KIF13B: variants seen among roughly 807,000 people sequenced by gnomAD.
KIF13B encodes the protein kinesin-like protein KIF13B.
KIF13B carries 127 observed loss-of-function variants against 222.0 expected under a neutral mutation model. The observed-to-expected ratio is 0.57, with a 90% CI of 0.50 to 0.66. The LOEUF (loss-of-function observed/expected upper bound fraction) is 0.66, where lower values mean the gene tolerates loss of function less well. Ranked by LOEUF, KIF13B falls within the 30% of genes least tolerant of loss-of-function variation. The probability of loss-of-function intolerance (pLI) is 0.00; values close to 1 mark genes in which losing one functional copy is unlikely to be tolerated. For missense variants in KIF13B, 2,173 were observed against 2,379.0 expected (o/e 0.91, Z 1.80); for synonymous variants, 976 against 919.0 (o/e 1.06, Z -1.12).
chr8:29,142,954 G>T (rs139806446), intron 18 of KIF13B, among the ~76,000 whole-genome samples: 1,558 of 152,286 alleles, frequency 0.01, 15 homozygotes, highest in African/African-American at 0.022. Flanking sequence ...CTGGGCTCCA[G>T]TGATACTCCT....
chr8:29,248,190 C>G (rs1235059021), intron 1 of KIF13B, among the ~76,000 whole-genome samples: 1 of 152,124 alleles, frequency 6.6e-6, no homozygotes, highest in East Asian at 1.9e-4. Flanking sequence ...AATTCCACTC[C>G]TAGATACATA....
intron 27 of KIF13B, 91 bp downstream of exon 27, chr8:29,123,933 T>A (rs1809992320): frequency 2.6e-6 from 2 of 763,286 alleles, no homozygotes; most frequent in East Asian, 5.2e-5. Context: ...GATGTGTTCA[T>A]CTGGTTCTTA....
intron 1 of KIF13B, among the ~76,000 whole-genome samples, chr8:29,248,236 C>T (rs539769053): frequency 6.6e-6 from 1 of 152,298 alleles, no homozygotes; most frequent in Admixed American, 6.5e-5. Flanking sequence ...CAAATGTTCA[C>T]AGTACCATTA....
chr8:29,203,425 G>T (rs1813786183), intron 2 of KIF13B, among the ~76,000 whole-genome samples: 1 of 152,064 alleles, frequency 6.6e-6, no homozygotes, highest in Non-Finnish European at 1.5e-5. Context: ...GAGTTCCCTA[G>T]ACACTATCTT....
In KIF13B at chr8:29,124,113, A is replaced by C. The variant is rs1423609197; in HGVS notation, c.3263T>G (p.Leu1088Ter). The change falls in exon 27 of 40, where the codon TTA becomes TGA. Residue 1088 changes from leucine to a stop codon, truncating the protein, a stop_gained. Coordinates refer to ENST00000524189, the MANE Select transcript of KIF13B (RefSeq NM_015254.4). LOFTEE classifies it high-confidence loss of function. ...EDMDSYQDRDLERLRRKWLNA... is the reference protein window; with the variant it reads ...EDMDSYQDRD The stretch of plus-strand genomic sequence containing the variant: ...TAGCCATTTTCTACGAAGTCTCTCT[A>C]AATCTCGATCCTGGAAGCAAGCAAG... 1.2e-6 allele frequency: 2 copies of C among 1,606,544 alleles called. No homozygotes were observed. The highest frequency in any genetic ancestry group is 1.7e-6 in the Non-Finnish European group (2 of 1,173,734).
intron 29 of KIF13B, among the ~76,000 whole-genome samples, chr8:29,121,104 C>T (rs544792381): frequency 2.0e-5 from 3 of 151,554 alleles, no homozygotes; most frequent in African/African-American, 4.9e-5. Context: ...GAGTAGGTTG[C>T]GAAATCGTGA....
chr8:29,207,494 T>C (rs1181103898), intron 2 of KIF13B, among the ~76,000 whole-genome samples: 1 of 152,178 alleles, frequency 6.6e-6, no homozygotes, highest in East Asian at 1.9e-4. Flanking sequence ...TCAATGCTTA[T>C]TGGACGTGAC....
chr8:29,228,472 A>AAAAAAAAAAAAAAAAT, intron 2 of KIF13B, among the ~76,000 whole-genome samples: 4 of 117,082 alleles, frequency 3.4e-5, no homozygotes, highest in Non-Finnish European at 5.3e-5. Context: ...ATCTTAAAAA[A>AAAAAAAAAAAAAAAAT]ATATATATAT....
At chr8:29,227,329 G>A (rs972575777) in intron 2 of KIF13B, among the ~76,000 whole-genome samples, 1 of 151,972 alleles carries the variant, frequency 6.6e-6, no homozygotes, top group Admixed American at 6.5e-5. Context: ...TGCACTTGTT[G>A]CCCAGACTGG....
intron 2 of KIF13B, among the ~76,000 whole-genome samples, chr8:29,207,984 GC>G (rs1283329624): frequency 6.6e-6 from 1 of 152,172 alleles, no homozygotes; most frequent in Non-Finnish European, 1.5e-5. Flanking sequence ...TTCCTGAGAG[GC>G]TGCAGAACAG....
At chr8:29,106,565 GA>G (rs1353812099) in intron 35 of KIF13B, among the ~76,000 whole-genome samples, 1 of 129,082 alleles carries the variant, frequency 7.7e-6, no homozygotes, top group African/African-American at 2.9e-5. Flanking sequence ...CTGGGAGGCA[GA>G]AGTTGCAGTG....
Position 29,070,283 on chromosome 8 carries a change from C to T in KIF13B, c.*221G>A. 2 of 587,092 alleles carry T rather than the reference C, an allele frequency of 3.4e-6. No individual in the cohort carries two copies. Among genetic ancestry groups the T allele is most frequent in the Non-Finnish European group, 3.0e-6 (1 of 335,896 alleles). 36.4% of individuals were successfully genotyped at this position (587,092 alleles called of 1,614,324 possible). Reference sequence around the variant, plus strand: ...CCTGCGGGCACCCAGAACCTTCCATCCACCTGAGGAGGCACAGTTGAGGCC... The same window carrying T: ...CCTGCGGGCACCCAGAACCTTCCATTCACCTGAGGAGGCACAGTTGAGGCC... On this transcript the variant is annotated 3_prime_UTR_variant, in exon 40 of 40. Transcript: ENST00000524189. The surrounding 1 kb of genome is among the most constrained non-coding windows in gnomAD (Gnocchi z 4.1).
chr8:29,176,098 A>G lies in KIF13B; in HGVS notation c.915T>C (p.Tyr305=). The change falls in exon 10 of 40, where the codon TAT becomes TAC. Residue 305 remains tyrosine (Y), a synonymous_variant. Transcript: ENST00000524189. ...GCAGCCAAGTGAGAACTGAGTCACGATATGGAACAAATTTATTCTTGTTTT... is the reference window on the plus strand; with the variant it reads ...GCAGCCAAGTGAGAACTGAGTCACGGTATGGAACAAATTTATTCTTGTTTT... ...AGKNKNKFVP[Y]RDSVLTWLLK... 3 of 1,613,252 alleles carry G rather than the reference A, an allele frequency of 1.9e-6. No individual in the cohort carries two copies. The highest frequency in any genetic ancestry group is 1.7e-6 in the Non-Finnish European group (2 of 1,179,296).
In KIF13B at chr8:29,262,285, T is replaced by C. The variant is rs193024134; in HGVS notation, c.55+695A>G. 7.2e-5 allele frequency among the ~76,000 whole-genome samples: 11 copies of C among 152,332 alleles called. No homozygotes were observed. The East Asian group carries it at 2.1e-3, about 29-fold the overall frequency. ...CAGAGTTAAGAGAATGTCAGAAAGA[T>C]ACAATTCCACAAGAATCTTGGCACT... On this transcript the variant is annotated intron_variant, in intron 1 of 39. Coordinates refer to ENST00000524189, the MANE Select transcript of KIF13B (RefSeq NM_015254.4).
intron 2 of KIF13B, among the ~76,000 whole-genome samples, chr8:29,199,684 A>T (rs902385397): frequency 6.6e-6 from 1 of 152,056 alleles, no homozygotes; most frequent in African/African-American, 2.4e-5. Flanking sequence ...GGGATTCAAA[A>T]CTAGGTCTTC....
intron 1 of KIF13B, 124 bp from the exon 2 acceptor site, chr8:29,245,563 T>TA (rs201301851): frequency 3.6e-5 from 24 of 660,172 alleles, no homozygotes; most frequent in East Asian, 1.1e-4. Flanking sequence ...GAAGTAGGAA[T>TA]AAAAAAAACT....
intron 23 of KIF13B, among the ~76,000 whole-genome samples, chr8:29,132,011 G>A (rs1248025041): frequency 6.6e-6 from 1 of 152,106 alleles, no homozygotes; most frequent in African/African-American, 2.4e-5. Flanking sequence ...CTTTGGGAGG[G>A]TGAGGTGGGC....
rs374884889 is a variant in KIF13B at position 29,113,413 on chromosome 8, G to A, written c.3930+50C>T. On this transcript the variant is annotated intron_variant, in intron 32 of 39. Coordinates refer to ENST00000524189, the MANE Select transcript of KIF13B (RefSeq NM_015254.4). ...GGGTAGGTCACTTTTCAGGGAGTTG[G>A]CTCTTTTTAAGTGTTTATTTTTAGT... The A allele has an allele frequency of 6.3e-5, 71 of 1,129,852 alleles. 1 individual carries two copies. Among genetic ancestry groups the A allele is most frequent in the Middle Eastern group, 2.0e-4 (1 of 4,912 alleles). 70.0% of individuals were successfully genotyped at this position (1,129,852 alleles called of 1,614,324 possible). A position where few individuals can be genotyped will look rare whatever the true frequency, so the allele number is the denominator to read the frequency against.
intron 2 of KIF13B, among the ~76,000 whole-genome samples, chr8:29,241,651 T>C (rs1815782786): frequency 7.6e-6 from 1 of 131,964 alleles, no homozygotes; most frequent in Non-Finnish European, 1.5e-5. Context: ...CACAAAGACA[T>C]CACAGCGAAG....
Sources: gnomAD v4.1 joint callset for allele counts (sites outside exome capture counted in the v4.1 genomes callset) on GRCh38, gnomAD v4.1.1 for gene constraint, Gnocchi (gnomAD v3.1) non-coding constraint, MANE v1.5 for transcripts, NCBI Gene and HGNC (gene_info 2026-07-23, HGNC 2026-07-21) for gene names.